Variants in EIF2B3 observed in about 807,000 individuals in gnomAD.
EIF2B3 encodes translation initiation factor eIF2B subunit gamma.
EIF2B3 carries 20 observed loss-of-function variants against 54.1 expected under a neutral mutation model. The ratio of observed to expected loss-of-function variants is 0.37; its 90% CI spans 0.26 to 0.54. The LOEUF (loss-of-function observed/expected upper bound fraction) is 0.54. Among genes scored for constraint, EIF2B3 ranks in the 20% least tolerant of loss-of-function variants. EIF2B3 has a pLI of 0.86. For missense variants in EIF2B3, 448 were observed against 547.8 expected (o/e 0.82, Z 1.82); for synonymous variants, 153 against 188.1 (o/e 0.81, Z 1.52).
In EIF2B3 at chr1:44,978,621, CTTTTTTTTTTTTTTT is replaced by C. The variant is rs57964686; in HGVS notation, c.149-176_149-162del. Among the ~76,000 whole-genome samples the C allele has an allele frequency of 1.6e-3, 125 of 76,644 alleles. 1 individual carries two copies. Among genetic ancestry groups the C allele is most frequent in the African/African-American group, 7.2e-3 (110 of 15,328 alleles). The allele number at this position is 76,644 out of a possible 152,430, so 50.3% of individuals were successfully genotyped here. On this transcript the variant is annotated intron_variant, in intron 2 of 11. Transcript: ENST00000360403. ...TTTACCTGCATTCCCCCAATAAATT[CTTTTTTTTTTTTTTT>C]TTTTTTTTTTTTTTTTTACAGACAG...
chr1:44,887,174 G>C (rs1424549076), intron 6 of EIF2B3, among the ~76,000 whole-genome samples: 2 of 152,158 alleles, frequency 1.3e-5, no homozygotes, highest in African/African-American at 4.8e-5. Flanking sequence ...AACTTGAGTG[G>C]GTCCAGGATT....
intron 11 of EIF2B3, among the ~76,000 whole-genome samples, chr1:44,851,240 T>A (rs539184190): frequency 6.6e-6 from 1 of 152,072 alleles, no homozygotes; most frequent in Non-Finnish European, 1.5e-5. Flanking sequence ...AACTTTTGTA[T>A]TTTTAGTAGA....
intron 10 of EIF2B3, among the ~76,000 whole-genome samples, chr1:44,870,469 C>G (rs757207900): frequency 7.9e-5 from 12 of 152,170 alleles, no homozygotes; most frequent in Admixed American, 2.0e-4. Context: ...CTCTCCCTTA[C>G]CCCACATGTC....
At chr1:44,968,047 TAAATAA>T (rs144844434) in intron 3 of EIF2B3, among the ~76,000 whole-genome samples, 40 of 145,876 alleles carry the variant, frequency 2.7e-4, no homozygotes, top group African/African-American at 6.8e-4. Flanking sequence ...TGAAAATAAA[TAAATAA>T]AAATAAAAAT....
At chr1:44,977,630 A>T (rs940841134) in intron 3 of EIF2B3, among the ~76,000 whole-genome samples, 1 of 152,012 alleles carries the variant, frequency 6.6e-6, no homozygotes, top group South Asian at 2.1e-4. Context: ...ATGCCCAGCT[A>T]ATTTTTGTCT....
intron 3 of EIF2B3, chr1:44,958,904 C>T: frequency 1.2e-6 from 1 of 804,112 alleles, no homozygotes; most frequent in South Asian, 1.4e-5. Context: ...AGGCTGAGGG[C>T]CATCTGAAAC....
chr1:44,877,488 G>A (rs1655234602), intron 8 of EIF2B3, among the ~76,000 whole-genome samples: 1 of 152,146 alleles, frequency 6.6e-6, no homozygotes, highest in Admixed American at 6.5e-5. Context: ...GGCCTGATCA[G>A]GTCAAGGAAC....
chr1:44,921,131 A>G (rs903378265), intron 5 of EIF2B3, among the ~76,000 whole-genome samples: 2 of 152,170 alleles, frequency 1.3e-5, no homozygotes, highest in Non-Finnish European at 1.5e-5. Flanking sequence ...GCATTCTCTG[A>G]TGATCAGTGA....
chr1:44,904,411 A>G (rs1372204140), intron 5 of EIF2B3, among the ~76,000 whole-genome samples: 3 of 152,268 alleles, frequency 2.0e-5, no homozygotes, highest in Non-Finnish European at 2.9e-5. Context: ...AGATGAGGAT[A>G]AAAGCCTCCT....
Position 44,942,377 on chromosome 1 carries a change from TTATATATATATATATATATATA to T in EIF2B3, c.295-734_295-713del, listed in dbSNP as rs1170326455. Among the ~76,000 whole-genome samples, 28 of 21,598 alleles carry T rather than the reference TTATATATATATATATATATATA, an allele frequency of 1.3e-3. 3 individuals are homozygous for T. Among genetic ancestry groups the T allele is most frequent in the Non-Finnish European group, 1.2e-3 (17 of 13,990 alleles). 14.2% of individuals were successfully genotyped at this position (21,598 alleles called of 152,430 possible). A position where few individuals can be genotyped will look rare whatever the true frequency, so the allele number is the denominator to read the frequency against. ...TCTCTTATTGGTGGGCTTTCTGATT[TTATATATATATATATATATATA>T]TATATATATATATATATATTTTTTT... On this transcript the variant is annotated intron_variant, in intron 3 of 11. Coordinates refer to ENST00000360403, the MANE Select transcript of EIF2B3 (RefSeq NM_020365.5).
Position 44,881,236 on chromosome 1 carries a change from T to A in EIF2B3, c.784+376A>T, listed in dbSNP as rs115722957. Among the ~76,000 whole-genome samples, 1,019 of 152,310 alleles carry A rather than the reference T, an allele frequency of 6.7e-3. 13 individuals carry two copies. The highest frequency in any genetic ancestry group is 0.023 in the African/African-American group (968 of 41,570). ...GGACTGCAATTGTACATTCCTTCAC[T>A]TTCCTTCCCTTGATAAAAGAGGTTG... On this transcript the variant is annotated intron_variant, in intron 7 of 11. Transcript: ENST00000360403. This position sits in a 1 kb window ranked among gnomAD's most constrained non-coding sequence, Gnocchi z 4.0.
intron 3 of EIF2B3, among the ~76,000 whole-genome samples, chr1:44,946,218 A>G (rs1644100666): frequency 6.6e-6 from 1 of 152,180 alleles, no homozygotes; most frequent in Admixed American, 6.5e-5. Context: ...GTCTGAAAGA[A>G]CAGGGCCTAG....
intron 4 of EIF2B3, chr1:44,937,325 C>T (rs1193184141): frequency 6.6e-6 from 1 of 152,154 alleles, no homozygotes; most frequent in African/African-American, 2.4e-5. Context: ...GATTGTTCAC[C>T]ATGGGACATA....
intron 5 of EIF2B3, among the ~76,000 whole-genome samples, chr1:44,915,894 A>T (rs1291160870): frequency 1.3e-5 from 2 of 152,194 alleles, no homozygotes; most frequent in Non-Finnish European, 2.9e-5. Flanking sequence ...TTCTTAGAAG[A>T]TCTTGTGCCT....
intron 5 of EIF2B3, among the ~76,000 whole-genome samples, chr1:44,917,390 G>A (rs1377108567): frequency 6.6e-6 from 1 of 151,874 alleles, no homozygotes; most frequent in Admixed American, 6.6e-5. Flanking sequence ...CTACTCTGGT[G>A]GCTGAGGCAG....
At chr1:44,877,433 G>A (rs1051403278) in intron 8 of EIF2B3, among the ~76,000 whole-genome samples, 5 of 152,210 alleles carry the variant, frequency 3.3e-5, no homozygotes, top group Non-Finnish European at 4.4e-5. Context: ...GGGAGGCACT[G>A]AGACCAGTCT....
intron 3 of EIF2B3, among the ~76,000 whole-genome samples, chr1:44,956,541 T>C (rs1259897116): frequency 6.6e-6 from 1 of 151,832 alleles, no homozygotes; most frequent in East Asian, 1.9e-4. Flanking sequence ...CACACTACTA[T>C]TAGTAAAAGA....
intron 3 of EIF2B3, among the ~76,000 whole-genome samples, chr1:44,972,852 A>G (rs1644416580): frequency 6.6e-6 from 1 of 151,984 alleles, no homozygotes; most frequent in Non-Finnish European, 1.5e-5. Flanking sequence ...TTTTGGGGGC[A>G]ATATAGTGAA....
chr1:44,973,700 T>C (rs1644425846), intron 3 of EIF2B3, among the ~76,000 whole-genome samples: 1 of 151,652 alleles, frequency 6.6e-6, no homozygotes, highest in African/African-American at 2.4e-5. Flanking sequence ...TGAGACTCTG[T>C]CTCAAAAAAA....
Sources: gnomAD v4.1 joint callset for allele counts (sites outside exome capture counted in the v4.1 genomes callset) on GRCh38, gnomAD v4.1.1 for gene constraint, Gnocchi (gnomAD v3.1) non-coding constraint, MANE v1.5 for transcripts, NCBI Gene and HGNC (gene_info 2026-07-23, HGNC 2026-07-21) for gene names.